SAMMSON: variants seen among roughly 807,000 people sequenced by gnomAD.
SAMMSON encodes the protein survival associated mitochondrial melanoma specific oncogenic non-coding RNA.
At chr3:70,041,116 T>G (rs1361983700) in intron 3 of SAMMSON, among the ~76,000 whole-genome samples, 1 of 152,112 alleles carries the variant, frequency 6.6e-6, no homozygotes, top group Non-Finnish European at 1.5e-5. Context: ...TGGGGCTTCT[T>G]CTAACTAGGC....
intron 3 of SAMMSON, among the ~76,000 whole-genome samples, chr3:70,038,736 G>T (rs1389590066): frequency 1.3e-5 from 2 of 152,038 alleles, no homozygotes; most frequent in African/African-American, 4.8e-5. Context: ...ATGGACTCTG[G>T]GAGCCCCACA....
At chr3:70,228,261 A>G (rs562883643) in intron 4 of SAMMSON, among the ~76,000 whole-genome samples, 1 of 152,210 alleles carries the variant, frequency 6.6e-6, no homozygotes, top group Non-Finnish European at 1.5e-5. Flanking sequence ...TGCTGAAGAA[A>G]ACATAACACT....
At chr3:70,050,369 A>G (rs1255869011) in intron 3 of SAMMSON, among the ~76,000 whole-genome samples, 1 of 152,156 alleles carries the variant, frequency 6.6e-6, no homozygotes, top group East Asian at 1.9e-4. Context: ...TGGGTTGGCC[A>G]GCCACTTCCA....
At chr3:70,355,391 A>G (rs1322114267) in intron 8 of SAMMSON, among the ~76,000 whole-genome samples, 1 of 152,182 alleles carries the variant, frequency 6.6e-6, no homozygotes. Context: ...AAGTAGGCAT[A>G]AGAAAAAAAA....
At chr3:70,428,573 T>C (rs1701389992) in intron 2 of SAMMSON, among the ~76,000 whole-genome samples, 1 of 152,224 alleles carries the variant, frequency 6.6e-6, no homozygotes, top group African/African-American at 2.4e-5. Flanking sequence ...GCGAGTGTTG[T>C]ATTCTAAAAA....
At position 70,141,029 on chromosome 3, in the gene SAMMSON, G is replaced by T. The variant is rs563444979; in HGVS notation, n.507+69464G>T. Among the ~76,000 whole-genome samples, 36 of 151,394 alleles carry T rather than the reference G, an allele frequency of 2.4e-4. No homozygotes were observed. In the South Asian group the frequency reaches 6.9e-3, roughly 29 times the overall value. On this transcript the variant is annotated intron_variant and non_coding_transcript_variant, in intron 4 of 9. Transcript: ENST00000642114. Reference sequence around the variant, plus strand: ...GCAATGTAGGTTTTTTTTTGTTTTTGTTTTTATTTTCTTTTTCTAGCATGA... The same window carrying T: ...GCAATGTAGGTTTTTTTTTGTTTTTTTTTTTATTTTCTTTTTCTAGCATGA...
chr3:70,290,260 G>C (rs1238274264), intron 6 of SAMMSON, among the ~76,000 whole-genome samples: 2 of 152,172 alleles, frequency 1.3e-5, no homozygotes, highest in Non-Finnish European at 2.9e-5. Context: ...CTTTCTGTTT[G>C]TTAGTTTTCC....
intron 4 of SAMMSON, among the ~76,000 whole-genome samples, chr3:70,072,989 A>G (rs980365100): frequency 6.6e-6 from 1 of 152,050 alleles, no homozygotes; most frequent in African/African-American, 2.4e-5. Context: ...TGGAATGCTG[A>G]GGCTGGTGAA....
intron 2 of SAMMSON, among the ~76,000 whole-genome samples, chr3:70,433,868 A>AGTTGGGATTTTTTT (rs2106781416): frequency 6.6e-6 from 1 of 152,288 alleles, no homozygotes; most frequent in South Asian, 2.1e-4. Flanking sequence ...GGATGTAGAT[A>AGTTGGGATTTTTTT]GTTGATAGTT....
chr3:70,012,101 G>C (rs955793690), intron 1 of SAMMSON, among the ~76,000 whole-genome samples: 3 of 152,090 alleles, frequency 2.0e-5, no homozygotes, highest in Non-Finnish European at 4.4e-5. Flanking sequence ...ATGATCCAGA[G>C]CTGGAGGAAA....
chr3:70,263,718 A>C (rs1701889306), intron 6 of SAMMSON, among the ~76,000 whole-genome samples: 1 of 152,104 alleles, frequency 6.6e-6, no homozygotes, highest in Non-Finnish European at 1.5e-5. Context: ...CTGCCCTATA[A>C]ATTTCTATCC....
chr3:70,008,596 T>C (rs1239730097), intron 1 of SAMMSON, among the ~76,000 whole-genome samples: 2 of 152,226 alleles, frequency 1.3e-5, no homozygotes, highest in African/African-American at 4.8e-5. Flanking sequence ...AGGGACAATT[T>C]GACTTCCTCT....
intron 3 of SAMMSON, among the ~76,000 whole-genome samples, chr3:70,051,144 A>G (rs1182332703): frequency 1.4e-5 from 2 of 145,670 alleles, no homozygotes; most frequent in South Asian, 2.2e-4. Flanking sequence ...CAAAAAAAAA[A>G]AAAAAAAAAA....
At chr3:70,067,727 T>A (rs1211034329) in intron 3 of SAMMSON, among the ~76,000 whole-genome samples, 7 of 152,044 alleles carry the variant, frequency 4.6e-5, no homozygotes, top group Non-Finnish European at 5.9e-5. Flanking sequence ...GTGCCTGTAC[T>A]GGAAAAGGAG....
At chr3:70,283,980 A>G (rs1335823244) in intron 6 of SAMMSON, 3 of 151,790 alleles carry the variant, frequency 2.0e-5, no homozygotes, top group Non-Finnish European at 2.9e-5. Flanking sequence ...TTTTCCCACC[A>G]CCCTACTGTC....
At chr3:70,135,399 C>T (rs573919030) in intron 4 of SAMMSON, among the ~76,000 whole-genome samples, 281 of 152,126 alleles carry the variant, frequency 1.8e-3, no homozygotes, top group African/African-American at 6.4e-3. Flanking sequence ...CTTATAGCCT[C>T]AGGAATAAAC....
chr3:70,420,195 G>T (rs568876717), intron 2 of SAMMSON, among the ~76,000 whole-genome samples: 3 of 152,230 alleles, frequency 2.0e-5, no homozygotes, highest in African/African-American at 7.2e-5. Flanking sequence ...GGTCCTCTTA[G>T]GTACCTGGTG....
chr3:70,320,592 C>T (rs892082746), intron 7 of SAMMSON, among the ~76,000 whole-genome samples: 1 of 152,086 alleles, frequency 6.6e-6, no homozygotes, highest in African/African-American at 2.4e-5. Context: ...CCAATTTAGT[C>T]AGCACCTAAA....
intron 8 of SAMMSON, among the ~76,000 whole-genome samples, chr3:70,356,621 T>C (rs571821274): frequency 6.6e-6 from 1 of 152,330 alleles, no homozygotes; most frequent in African/African-American, 2.4e-5. Context: ...TTAAAATACT[T>C]GTCCTTTTGT....
Sources: allele counts gnomAD v4.1 joint callset (sites outside exome capture counted in the v4.1 genomes callset), GRCh38; gene constraint gnomAD v4.1.1; transcripts MANE v1.5; gene names NCBI Gene and HGNC (gene_info 2026-07-23, HGNC 2026-07-21).